The following GRID2 variants were observed in gnomAD, a reference collection of about 807,000 sequenced individuals.
GRID2 encodes glutamate receptor ionotropic, delta-2.
A neutral mutation model predicts 114.8 loss-of-function variants in GRID2; 33 were observed. The observed-to-expected ratio is 0.29, with a 90% CI of 0.22 to 0.38. GRID2 has a LOEUF of 0.38. Among genes scored for constraint, GRID2 ranks in the 10% least tolerant of loss-of-function variants. The probability of loss-of-function intolerance (pLI) is 1.00; values close to 1 mark genes in which losing one functional copy is unlikely to be tolerated. For synonymous variants in GRID2, 505 were observed against 449.9 expected (o/e 1.12, Z -1.55); for missense variants, 1,184 against 1,257.7 (o/e 0.94, Z 0.89).
At chr4:93,137,708 T>C (rs777300210) in intron 4 of GRID2, among the ~76,000 whole-genome samples, 1 of 152,136 alleles carries the variant, frequency 6.6e-6, no homozygotes, top group Non-Finnish European at 1.5e-5. Flanking sequence ...GAGTTTCATC[T>C]CCATGAAACT....
intron 1 of GRID2, among the ~76,000 whole-genome samples, chr4:92,554,494 T>C (rs1726756257): frequency 6.6e-6 from 1 of 152,156 alleles, no homozygotes; most frequent in South Asian, 2.1e-4. Flanking sequence ...TTTCAGAAAG[T>C]TTATGTCAGT....
chr4:93,440,224 A>G (rs1429069183), intron 10 of GRID2, among the ~76,000 whole-genome samples: 2 of 152,132 alleles, frequency 1.3e-5, no homozygotes, highest in African/African-American at 4.8e-5. Flanking sequence ...AAATATATGT[A>G]TGGGCCAAGA....
chr4:93,135,214 A>G (rs1036217809), intron 4 of GRID2, among the ~76,000 whole-genome samples: 2 of 152,172 alleles, frequency 1.3e-5, no homozygotes, highest in African/African-American at 4.8e-5. Context: ...TGCTTTTAAT[A>G]TTCCTGAACA....
intron 2 of GRID2, among the ~76,000 whole-genome samples, chr4:92,828,663 A>G (rs373859036): frequency 6.6e-6 from 1 of 152,092 alleles, no homozygotes; most frequent in Non-Finnish European, 1.5e-5. Flanking sequence ...AATTAACTCA[A>G]TTAATGAAGT....
intron 2 of GRID2, among the ~76,000 whole-genome samples, chr4:92,681,286 T>A (rs1733634849): frequency 6.6e-6 from 1 of 152,086 alleles, no homozygotes; most frequent in Non-Finnish European, 1.5e-5. Flanking sequence ...ATAAGGTGAT[T>A]TTTGAATTGA....
At chr4:93,580,095 T>G (rs1736811134) in intron 13 of GRID2, among the ~76,000 whole-genome samples, 2 of 152,194 alleles carry the variant, frequency 1.3e-5, no homozygotes, top group Admixed American at 1.3e-4. Context: ...ACAATTAATA[T>G]AAAAAAGAAT....
At chr4:92,387,030 C>G (rs757651512) in intron 1 of GRID2, among the ~76,000 whole-genome samples, 3 of 151,826 alleles carry the variant, frequency 2.0e-5, no homozygotes, top group Non-Finnish European at 4.4e-5. Context: ...ACAGAAAAGA[C>G]GTTTTTGGTC....
intron 14 of GRID2, among the ~76,000 whole-genome samples, chr4:93,758,758 G>C (rs1276973602): frequency 1.3e-5 from 2 of 152,108 alleles, no homozygotes; most frequent in Non-Finnish European, 1.5e-5. Flanking sequence ...AAATAAGTTT[G>C]ACTTTATGAC....
Position 92,940,133 on chromosome 4 carries a change from T to C in GRID2, c.245-144862T>C, listed in dbSNP as rs570935139. Among the ~76,000 whole-genome samples the C allele has an allele frequency of 6.9e-4, 101 of 147,320 alleles. 4 individuals are homozygous for C. The highest frequency in any genetic ancestry group is 2.3e-3 in the African/African-American group (94 of 41,330). Reference sequence around the variant, plus strand: ...CATTGGTAGCTTAATGGGGATGGCATTGAAACTATAAATTACCTTGAGCAG... The same window carrying C: ...CATTGGTAGCTTAATGGGGATGGCACTGAAACTATAAATTACCTTGAGCAG... On this transcript the variant is annotated intron_variant, in intron 2 of 15. Coordinates refer to ENST00000282020, the MANE Select transcript of GRID2 (RefSeq NM_001510.4).
chr4:92,485,398 C>CCATTATAAA (rs1375961135), intron 1 of GRID2, among the ~76,000 whole-genome samples: 2 of 134,912 alleles, frequency 1.5e-5, no homozygotes, highest in Non-Finnish European at 3.1e-5. Context: ...TAATTCAGGA[C>CCATTATAAA]CATTATAAAG....
chr4:92,998,926 C>G (rs1437023483), intron 2 of GRID2, among the ~76,000 whole-genome samples: 1 of 151,626 alleles, frequency 6.6e-6, no homozygotes, highest in African/African-American at 2.4e-5. Context: ...TTTTTTTGGA[C>G]TCAGAGACTG....
chr4:92,707,179 T>C (rs886290495), intron 2 of GRID2, among the ~76,000 whole-genome samples: 12 of 152,176 alleles, frequency 7.9e-5, no homozygotes, highest in African/African-American at 2.9e-4. Context: ...AAGTACATTA[T>C]AAAAAGAATC....
At chr4:93,019,718 G>A (rs902918421) in intron 2 of GRID2, among the ~76,000 whole-genome samples, 1 of 152,082 alleles carries the variant, frequency 6.6e-6, no homozygotes, top group Non-Finnish European at 1.5e-5. Context: ...TTAAAAGGAT[G>A]CCTTCCCTTC....
intron 12 of GRID2, among the ~76,000 whole-genome samples, chr4:93,495,571 T>C (rs1727450501): frequency 6.6e-6 from 1 of 151,712 alleles, no homozygotes; most frequent in African/African-American, 2.4e-5. Context: ...CTGGAGGTAA[T>C]GGAGAGTGAC....
intron 1 of GRID2, among the ~76,000 whole-genome samples, chr4:92,345,892 CA>C (rs1468967069): frequency 3.8e-4 from 58 of 152,170 alleles, no homozygotes; most frequent in African/African-American, 1.4e-3. Context: ...CATATTCAAT[CA>C]TCAATCTTTT....
chr4:93,014,985 G>A (rs1468871656), intron 2 of GRID2, among the ~76,000 whole-genome samples: 1 of 152,012 alleles, frequency 6.6e-6, no homozygotes. Context: ...CTTAGTCAGT[G>A]GCAGAGGGAT....
At chr4:92,510,386 C>G (rs1005379579) in intron 1 of GRID2, among the ~76,000 whole-genome samples, 5 of 151,846 alleles carry the variant, frequency 3.3e-5, no homozygotes, top group African/African-American at 1.2e-4. Context: ...ATAGACAGCA[C>G]AGAGGAGTTT....
chr4:93,753,123 C>T (rs1003108407), intron 14 of GRID2, among the ~76,000 whole-genome samples: 14 of 152,138 alleles, frequency 9.2e-5, no homozygotes, highest in African/African-American at 3.4e-4. Context: ...TTTGCTACAC[C>T]TCCTATCTAC....
At chr4:93,431,253 A>T (rs919277673) in intron 10 of GRID2, among the ~76,000 whole-genome samples, 3 of 152,136 alleles carry the variant, frequency 2.0e-5, no homozygotes, top group African/African-American at 7.2e-5. Context: ...CTCACTGTGA[A>T]AGTGCCATAG....
Sources: allele counts gnomAD v4.1 joint callset (sites outside exome capture counted in the v4.1 genomes callset), GRCh38; gene constraint gnomAD v4.1.1; transcripts MANE v1.5; gene names NCBI Gene and HGNC (gene_info 2026-07-23, HGNC 2026-07-21).